The following ERBIN variants were observed in gnomAD, a reference collection of about 807,000 sequenced individuals.
The protein encoded by ERBIN is densin-180-like protein.
Under a neutral mutation model 158.4 loss-of-function variants are expected in ERBIN, and 60 were observed. That is an observed-to-expected ratio of 0.38 (90% confidence interval 0.31 to 0.47). ERBIN has a LOEUF of 0.47. Among genes scored for constraint, ERBIN ranks in the 20% least tolerant of loss-of-function variants. ERBIN has a pLI of 0.99. For synonymous variants in ERBIN, 594 were observed against 557.2 expected (o/e 1.07, Z -0.93); for missense variants, 1,610 against 1,648.0 (o/e 0.98, Z 0.40).
intron 1 of ERBIN, among the ~76,000 whole-genome samples, chr5:65,970,035 C>G (rs1749076874): frequency 6.6e-6 from 1 of 152,050 alleles, no homozygotes; most frequent in Non-Finnish European, 1.5e-5. Flanking sequence ...CTTTTGTTAC[C>G]TTGCCCCAAA....
intron 1 of ERBIN, among the ~76,000 whole-genome samples, chr5:65,945,169 G>A (rs1407200296): frequency 6.6e-6 from 1 of 152,182 alleles, no homozygotes; most frequent in Admixed American, 6.5e-5. Flanking sequence ...TTTCTCTTTT[G>A]AATGTCTTAC....
At chr5:65,985,278 A>C (rs1044058343) in intron 1 of ERBIN, among the ~76,000 whole-genome samples, 6 of 152,140 alleles carry the variant, frequency 3.9e-5, no homozygotes, top group Non-Finnish European at 8.8e-5. Flanking sequence ...TTTTTAGTAG[A>C]GATGGGGTTT....
At chr5:66,016,800 A>C (rs1029520885) in intron 7 of ERBIN, among the ~76,000 whole-genome samples, 1 of 152,048 alleles carries the variant, frequency 6.6e-6, no homozygotes, top group African/African-American at 2.4e-5. Context: ...TTTTTAGTAG[A>C]GACGGGGTTT....
At chr5:66,040,456 A>C (rs1757814948) in intron 15 of ERBIN, among the ~76,000 whole-genome samples, 1 of 151,846 alleles carries the variant, frequency 6.6e-6, no homozygotes, top group Non-Finnish European at 1.5e-5. Context: ...GCCACTACTA[A>C]ATTTTGATTT....
At chr5:66,042,104 T>G (rs965157308) in intron 15 of ERBIN, among the ~76,000 whole-genome samples, 2 of 152,038 alleles carry the variant, frequency 1.3e-5, no homozygotes, top group Non-Finnish European at 2.9e-5. Context: ...AGTTTTTGTA[T>G]TATGTTATTT....
intron 1 of ERBIN, among the ~76,000 whole-genome samples, chr5:65,929,488 T>G (rs1743089743): frequency 6.6e-6 from 1 of 152,200 alleles, no homozygotes; most frequent in Non-Finnish European, 1.5e-5. Context: ...CTTATCCAGA[T>G]TCTCCTTACA....
intron 3 of ERBIN, among the ~76,000 whole-genome samples, chr5:65,993,763 A>G (rs1752134736): frequency 6.6e-6 from 1 of 152,178 alleles, no homozygotes; most frequent in African/African-American, 2.4e-5. Flanking sequence ...ATTAGGAAAT[A>G]TAGGACGCTT....
intron 20 of ERBIN, among the ~76,000 whole-genome samples, chr5:66,051,868 C>T (rs1185907491): frequency 6.9e-6 from 1 of 145,576 alleles, no homozygotes; most frequent in Non-Finnish European, 1.5e-5. Context: ...GCATTCCAGC[C>T]TGGGTGACAG....
intron 7 of ERBIN, among the ~76,000 whole-genome samples, chr5:66,020,197 A>G (rs1331710049): frequency 1.3e-5 from 2 of 152,068 alleles, no homozygotes; most frequent in Non-Finnish European, 2.9e-5. Context: ...CATATTTAAA[A>G]TGTAAAGGGA....
chr5:65,927,000 C>A (rs1163237422), intron 1 of ERBIN, among the ~76,000 whole-genome samples, 194 bp downstream of exon 1: 2 of 151,312 alleles, frequency 1.3e-5, no homozygotes, highest in Non-Finnish European at 2.9e-5. Context: ...CCCCCCTGCC[C>A]CCCCCACCAT....
At chr5:66,057,762 T>A (rs1759773930) in intron 21 of ERBIN, among the ~76,000 whole-genome samples, 1 of 146,506 alleles carries the variant, frequency 6.8e-6, no homozygotes, top group Non-Finnish European at 1.5e-5. Flanking sequence ...CCATCTGTTC[T>A]CATTGTTCAA....
chr5:66,049,295 T>C (rs1174323904), intron 19 of ERBIN, among the ~76,000 whole-genome samples: 1 of 152,076 alleles, frequency 6.6e-6, no homozygotes, highest in African/African-American at 2.4e-5. Flanking sequence ...TCTTGAAGGA[T>C]ATGTATCCTT....
At chr5:66,005,437 C>T (rs545040036) in intron 4 of ERBIN, among the ~76,000 whole-genome samples, 169 of 152,024 alleles carry the variant, frequency 1.1e-3, no homozygotes, top group Non-Finnish European at 2.2e-3. Context: ...AAAAACTGTG[C>T]TAGAGATAAA....
In ERBIN at chr5:65,979,355, A is replaced by T. The variant is rs1750390658; in HGVS notation, c.-57-9280A>T. On this transcript the variant is annotated intron_variant, in intron 1 of 25. Coordinates refer to ENST00000284037, the MANE Select transcript of ERBIN (RefSeq NM_001253697.2). ...AGGTTGGGGATTACTTGAACCTGGG[A>T]GGTTGAGGCTGCAGTGAGCTGAGGT... is the stretch of plus-strand genomic sequence containing the variant. 5.3e-5 allele frequency among the ~76,000 whole-genome samples: 8 copies of T among 152,102 alleles called. No individual in the cohort carries two copies. The South Asian group carries it at 1.7e-3, about 32-fold the overall frequency.
intron 14 of ERBIN, among the ~76,000 whole-genome samples, chr5:66,030,804 C>T (rs984817257): frequency 2.4e-4 from 36 of 152,014 alleles, no homozygotes; most frequent in African/African-American, 8.5e-4. Flanking sequence ...CTCCTGGACT[C>T]AAGCCATCCC....
At chr5:66,008,952 C>T (rs186757883) in intron 4 of ERBIN, among the ~76,000 whole-genome samples, 1 of 152,302 alleles carries the variant, frequency 6.6e-6, no homozygotes, top group East Asian at 1.9e-4. Flanking sequence ...CAATTCCAGT[C>T]TTAGGTATTT....
rs1249863517 is a variant in ERBIN at position 66,054,026 on chromosome 5, C to T, written c.2708C>T (p.Ser903Phe). Residue 903 changes from serine to phenylalanine, a missense_variant, in exon 21 of 26, where the codon TCT becomes TTT. Ser to Phe is a radical substitution (Grantham distance 155, BLOSUM62 -2). Transcript: ENST00000284037. ...QQPSTTVKIT[S>F]AVDGKNIVRS... ...CCAAGTACAACCGTTAAAATCACAT[C>T]TGCTGTTGATGGAAAAAATATAGTC... 1.2e-6 allele frequency: 2 copies of T among 1,614,010 alleles called. No homozygotes were observed. Among genetic ancestry groups the T allele is most frequent in the Non-Finnish European group, 1.7e-6 (2 of 1,180,030 alleles).
chr5:65,940,186 C>T (rs1354606653), intron 1 of ERBIN, among the ~76,000 whole-genome samples: 4 of 150,250 alleles, frequency 2.7e-5, no homozygotes, highest in African/African-American at 9.9e-5. Context: ...GTGGGGAGCG[C>T]CTCTGCCCCG....
intron 4 of ERBIN, among the ~76,000 whole-genome samples, chr5:66,009,473 C>G (rs1308755228): frequency 6.6e-6 from 1 of 152,092 alleles, no homozygotes; most frequent in Non-Finnish European, 1.5e-5. Flanking sequence ...TTGAGTCAAT[C>G]TAAATAAAAC....
Sources: gnomAD v4.1 joint callset for allele counts (sites outside exome capture counted in the v4.1 genomes callset) on GRCh38, gnomAD v4.1.1 for gene constraint, MANE v1.5 for transcripts, NCBI Gene and HGNC (gene_info 2026-07-23, HGNC 2026-07-21) for gene names.